UBL3: variants seen among roughly 807,000 people sequenced by gnomAD.
The protein encoded by UBL3 is ubiquitin-like protein 3.
Under a neutral mutation model 18.4 loss-of-function variants are expected in UBL3, and 6 were observed. The ratio of observed to expected loss-of-function variants is 0.33; its 90% CI spans 0.18 to 0.64. The LOEUF (loss-of-function observed/expected upper bound fraction) is 0.64, where lower values mean the gene tolerates loss of function less well. Among genes scored for constraint, UBL3 ranks in the 30% least tolerant of loss-of-function variants. UBL3 has a pLI of 0.76. For missense variants in UBL3, 109 were observed against 142.9 expected (o/e 0.76, Z 1.21); for synonymous variants, 49 against 46.6 (o/e 1.05, Z -0.21).
chr13:29,830,639 C>T (rs373985502), intron 1 of UBL3, among the ~76,000 whole-genome samples: 22 of 152,272 alleles, frequency 1.4e-4, no homozygotes, highest in East Asian at 5.8e-4. Context: ...AAATATTCAC[C>T]TTTGTAAGAT....
intron 1 of UBL3, among the ~76,000 whole-genome samples, chr13:29,812,916 CTGT>C (rs1878136425): frequency 1.3e-5 from 2 of 151,608 alleles, no homozygotes; most frequent in South Asian, 4.2e-4. Context: ...TTAATTTTAC[CTGT>C]TGTCTTTTAA....
At chr13:29,835,089 AATATATATATATATATAAATATATAT>A (rs1878886603) in intron 1 of UBL3, among the ~76,000 whole-genome samples, 4 of 74,232 alleles carry the variant, frequency 5.4e-5, no homozygotes, top group East Asian at 6.7e-4. Flanking sequence ...TATAAATATA[AATATATATATATATATAAATATATAT>A]ATATATATAA....
chr13:29,781,046 G>A (rs772089846), intron 1 of UBL3, among the ~76,000 whole-genome samples: 24 of 152,024 alleles, frequency 1.6e-4, no homozygotes, highest in Non-Finnish European at 2.9e-4. Flanking sequence ...ATGGTGATGC[G>A]CGCTTGTAGT....
intron 3 of UBL3, 135 bp from the exon 4 acceptor site, chr13:29,767,830 T>C: frequency 1.7e-6 from 1 of 603,712 alleles, no homozygotes; most frequent in South Asian, 3.0e-5. Flanking sequence ...TCAGAGTACC[T>C]TCACAAAATT....
At chr13:29,776,453 A>C (rs1268429819) in intron 2 of UBL3, among the ~76,000 whole-genome samples, 1 of 151,568 alleles carries the variant, frequency 6.6e-6, no homozygotes, top group African/African-American at 2.4e-5. Context: ...AGCAGTGATG[A>C]CATCTTGCTA....
chr13:29,790,900 T>G (rs1459576359), intron 1 of UBL3, among the ~76,000 whole-genome samples: 3 of 152,142 alleles, frequency 2.0e-5, no homozygotes, highest in African/African-American at 7.2e-5. Flanking sequence ...TCCCAGTCCC[T>G]GCTCCATCCT....
At chr13:29,808,209 A>G (rs1440914495) in intron 1 of UBL3, among the ~76,000 whole-genome samples, 2 of 152,192 alleles carry the variant, frequency 1.3e-5, no homozygotes, top group African/African-American at 2.4e-5. Context: ...AATATTTAAT[A>G]TATAGCTAGC....
chr13:29,777,754 G>T (rs114478629), intron 1 of UBL3, among the ~76,000 whole-genome samples: 1 of 151,830 alleles, frequency 6.6e-6, no homozygotes, highest in African/African-American at 2.4e-5. Flanking sequence ...AAACCTAGAC[G>T]AATTAACAAT....
intron 1 of UBL3, among the ~76,000 whole-genome samples, chr13:29,834,281 C>A (rs1878864422): frequency 6.6e-6 from 1 of 151,632 alleles, no homozygotes; most frequent in African/African-American, 2.4e-5. Flanking sequence ...ATCTGTTGAT[C>A]TTTTTGGATG....
chr13:29,822,229 GAGTA>G (rs1054280910), intron 1 of UBL3, among the ~76,000 whole-genome samples: 4 of 152,116 alleles, frequency 2.6e-5, no homozygotes. Context: ...GTGAAAGGGG[GAGTA>G]AGTAAAATAT....
At chr13:29,843,212 T>A (rs1879150605) in intron 1 of UBL3, among the ~76,000 whole-genome samples, 1 of 152,188 alleles carries the variant, frequency 6.6e-6, no homozygotes, top group Non-Finnish European at 1.5e-5. Flanking sequence ...ATACCTATAG[T>A]ATATGTGTTT....
intron 1 of UBL3, among the ~76,000 whole-genome samples, chr13:29,806,193 A>C (rs1309297544): frequency 1.3e-5 from 2 of 152,036 alleles, no homozygotes; most frequent in Non-Finnish European, 2.9e-5. Flanking sequence ...AAAAAACAAA[A>C]CCAAAAAACC....
intron 3 of UBL3, among the ~76,000 whole-genome samples, chr13:29,771,100 T>TATTCC (rs1488103927): frequency 2.0e-5 from 3 of 152,060 alleles, no homozygotes; most frequent in Non-Finnish European, 4.4e-5. Context: ...TTCAATCCTG[T>TATTCC]ATTCCCAAGT....
At chr13:29,829,356 C>A (rs920842879) in intron 1 of UBL3, among the ~76,000 whole-genome samples, 1 of 151,914 alleles carries the variant, frequency 6.6e-6, no homozygotes, top group Non-Finnish European at 1.5e-5. Context: ...GCTTCTAGGC[C>A]GCTTTGTTTA....
At chr13:29,812,723 T>TTA (rs895378986) in intron 1 of UBL3, among the ~76,000 whole-genome samples, 2 of 152,178 alleles carry the variant, frequency 1.3e-5, no homozygotes, top group African/African-American at 4.8e-5. Flanking sequence ...ACTGTAAATT[T>TTA]TATGAAATAT....
At chr13:29,840,564 A>AAT (rs10632341) in intron 1 of UBL3, among the ~76,000 whole-genome samples, 28,142 of 152,104 alleles carry the variant, frequency 0.19, 2,859 homozygotes, top group African/African-American at 0.26. Context: ...ACAAAAAAAA[A>AAT]CTCAATGAAG....
At chr13:29,809,577 T>C (rs1877984824) in intron 1 of UBL3, among the ~76,000 whole-genome samples, 1 of 152,154 alleles carries the variant, frequency 6.6e-6, no homozygotes, top group Admixed American at 6.6e-5. Flanking sequence ...TCATGGCTGT[T>C]GTACGGATAG....
chr13:29,783,055 C>G (rs775884921), intron 1 of UBL3, among the ~76,000 whole-genome samples: 3 of 152,190 alleles, frequency 2.0e-5, no homozygotes, highest in Non-Finnish European at 4.4e-5. Context: ...TGATTCAAAC[C>G]TAGGCTTCAG....
At chr13:29,778,550 A>G (rs886960200) in intron 1 of UBL3, among the ~76,000 whole-genome samples, 1 of 152,168 alleles carries the variant, frequency 6.6e-6, no homozygotes, top group Non-Finnish European at 1.5e-5. Flanking sequence ...TCATTGCACC[A>G]GTTTGAATTG....
Sources: gnomAD v4.1 joint callset for allele counts (sites outside exome capture counted in the v4.1 genomes callset) on GRCh38, gnomAD v4.1.1 for gene constraint, MANE v1.5 for transcripts, NCBI Gene and HGNC (gene_info 2026-07-23, HGNC 2026-07-21) for gene names.